The following CNTN1 variants were observed in gnomAD, a reference collection of about 807,000 sequenced individuals.
CNTN1 encodes the protein contactin-1.
In CNTN1, 38 loss-of-function variants were observed where a neutral mutation model predicts 126.4. That is an observed-to-expected ratio of 0.30 (90% CI 0.23 to 0.39). CNTN1 has a LOEUF of 0.39. CNTN1 is among the 10% of genes least tolerant of loss of function. CNTN1 has a pLI of 1.00. For missense variants in CNTN1, 1,009 were observed against 1,248.4 expected, an observed-to-expected ratio of 0.81 and a Z score of 2.89; for synonymous variants, 413 against 422.6, an observed-to-expected ratio of 0.98 and a Z score of 0.28.
At chr12:41,004,366 C>T (rs1948440059) in intron 17 of CNTN1, among the ~76,000 whole-genome samples, 1 of 152,126 alleles carries the variant, frequency 6.6e-6, no homozygotes, top group East Asian at 1.9e-4. Flanking sequence ...CAATTATGTG[C>T]TCAATTCTTG....
At chr12:40,925,551 A>G (rs199794257) in intron 6 of CNTN1, among the ~76,000 whole-genome samples, 4 of 131,220 alleles carry the variant, frequency 3.0e-5, no homozygotes, top group Admixed American at 7.6e-5. Context: ...GTGTGTGTAT[A>G]TATATACACG....
At chr12:41,067,839 A>T (rs1294028770) in intron 23 of CNTN1, among the ~76,000 whole-genome samples, 3 of 152,024 alleles carry the variant, frequency 2.0e-5, no homozygotes, top group Non-Finnish European at 4.4e-5. Flanking sequence ...TTACTGTGTG[A>T]TTGAGGTTTA....
intron 1 of CNTN1, among the ~76,000 whole-genome samples, chr12:40,837,266 C>T (rs1033160813): frequency 1.4e-4 from 21 of 151,990 alleles, no homozygotes; most frequent in Admixed American, 1.1e-3. Flanking sequence ...ACCTGAGAGA[C>T]GGTGGTGGAA....
At chr12:41,018,191 T>C (rs1457490478) in intron 19 of CNTN1, among the ~76,000 whole-genome samples, 1 of 152,196 alleles carries the variant, frequency 6.6e-6, no homozygotes, top group Non-Finnish European at 1.5e-5. Context: ...CATTGCCTTC[T>C]GATCTTTGGC....
intron 1 of CNTN1, among the ~76,000 whole-genome samples, chr12:40,749,259 G>A (rs1394924890): frequency 6.6e-6 from 1 of 152,006 alleles, no homozygotes; most frequent in Non-Finnish European, 1.5e-5. Flanking sequence ...TTCACATAGT[G>A]GACCAGTCAT....
At position 40,930,246 on chromosome 12, in the gene CNTN1, C is replaced by T. The variant is rs898297502; in HGVS notation, c.703+244C>T. Among the ~76,000 whole-genome samples, 9 of 152,002 alleles carry T rather than the reference C, an allele frequency of 5.9e-5. No individual in the cohort carries two copies. In the South Asian group the frequency reaches 1.7e-3, roughly 28 times the overall value. Reference sequence around the variant, plus strand: ...AGTTGCCTCTAGCTCGGAAAATACACAGGGGACTGATACCTTAGTCCAGTT... The same window carrying T: ...AGTTGCCTCTAGCTCGGAAAATACATAGGGGACTGATACCTTAGTCCAGTT... On this transcript the variant is annotated intron_variant, in intron 7 of 23. Transcript: ENST00000551295.
chr12:40,932,466 A>G (rs1000318272), intron 7 of CNTN1, among the ~76,000 whole-genome samples: 2 of 152,124 alleles, frequency 1.3e-5, no homozygotes, highest in South Asian at 4.1e-4. Context: ...AGTTTCAGAT[A>G]TGTCTCTATT....
chr12:40,958,615 G>A lies in CNTN1; in HGVS notation c.1684-499G>A, dbSNP rs1946985164. On this transcript the variant is annotated intron_variant, in intron 14 of 23. Coordinates refer to ENST00000551295, the MANE Select transcript of CNTN1 (RefSeq NM_001843.4). ...CTTATAATTTGGCAACAGAGTACAT[G>A]TTAGTGGAATTGTACATTTTCTCAA... Among the ~76,000 whole-genome samples, 3 of 152,122 alleles carry A rather than the reference G, an allele frequency of 2.0e-5. No homozygotes were observed. The South Asian group carries it at 6.2e-4, about 32-fold the overall frequency.
intron 1 of CNTN1, among the ~76,000 whole-genome samples, chr12:40,703,877 A>G (rs1476636381): frequency 6.6e-6 from 1 of 152,136 alleles, no homozygotes; most frequent in African/African-American, 2.4e-5. Flanking sequence ...GTAATGATTA[A>G]GTGAGACTTT....
At chr12:40,709,976 T>G (rs1237995152) in intron 1 of CNTN1, among the ~76,000 whole-genome samples, 1 of 152,204 alleles carries the variant, frequency 6.6e-6, no homozygotes, top group Non-Finnish European at 1.5e-5. Flanking sequence ...TCCTTTATAT[T>G]CACAACTTAG....
At chr12:40,917,704 G>A (rs141644659) in intron 3 of CNTN1, among the ~76,000 whole-genome samples, 1 of 152,206 alleles carries the variant, frequency 6.6e-6, no homozygotes, top group Non-Finnish European at 1.5e-5. Context: ...ATTCATTTGA[G>A]GCATATGGCT....
chr12:40,904,955 G>C (rs1038688724), intron 1 of CNTN1, among the ~76,000 whole-genome samples: 1 of 152,164 alleles, frequency 6.6e-6, no homozygotes, highest in Non-Finnish European at 1.5e-5. Context: ...CATTTTGCAT[G>C]CACAACTTTA....
At chr12:40,734,709 A>G (rs1942578465) in intron 1 of CNTN1, among the ~76,000 whole-genome samples, 1 of 152,156 alleles carries the variant, frequency 6.6e-6, no homozygotes, top group Admixed American at 6.6e-5. Flanking sequence ...TTCTATTATC[A>G]TTACAATTTA....
chr12:40,926,004 T>C (rs75510817), intron 6 of CNTN1, among the ~76,000 whole-genome samples: 202 of 151,254 alleles, frequency 1.3e-3, no homozygotes, highest in African/African-American at 4.1e-3. Context: ...ACTCAGAAAA[T>C]CTCTTATGAG....
intron 1 of CNTN1, among the ~76,000 whole-genome samples, chr12:40,791,736 A>G (rs1385810072): frequency 6.6e-6 from 1 of 152,144 alleles, no homozygotes; most frequent in Non-Finnish European, 1.5e-5. Flanking sequence ...CTTTGTTAAG[A>G]TACGCAAAAA....
At chr12:40,903,495 G>A (rs918804027) in intron 1 of CNTN1, among the ~76,000 whole-genome samples, 1 of 150,860 alleles carries the variant, frequency 6.6e-6, no homozygotes, top group Non-Finnish European at 1.5e-5. Context: ...CCTCAAGAGA[G>A]AAGTAGTAGG....
intron 1 of CNTN1, among the ~76,000 whole-genome samples, chr12:40,868,342 G>A (rs186318189): frequency 1.3e-5 from 2 of 152,200 alleles, no homozygotes; most frequent in African/African-American, 4.8e-5. Flanking sequence ...TCAAAGCAAA[G>A]CTTCTAATCC....
intron 1 of CNTN1, among the ~76,000 whole-genome samples, chr12:40,906,684 G>GTTTTTTTTTTTTTTT: frequency 8.1e-6 from 1 of 123,732 alleles, no homozygotes; most frequent in Non-Finnish European, 1.6e-5. Flanking sequence ...TTTTTGTTTT[G>GTTTTTTTTTTTTTTT]TTTTTTTTGA....
At chr12:40,888,066 A>G (rs1424778862) in intron 1 of CNTN1, among the ~76,000 whole-genome samples, 1 of 150,530 alleles carries the variant, frequency 6.6e-6, no homozygotes, top group East Asian at 2.0e-4. Flanking sequence ...CTAATGCTAA[A>G]TGACGAGTTA....
Sources: allele counts gnomAD v4.1 joint callset (sites outside exome capture counted in the v4.1 genomes callset), GRCh38; gene constraint gnomAD v4.1.1; transcripts MANE v1.5; gene names NCBI Gene and HGNC (gene_info 2026-07-23, HGNC 2026-07-21).